The following PRKCA variants were observed in gnomAD, a reference collection of about 807,000 sequenced individuals.
The protein encoded by PRKCA is protein kinase C alpha type.
PRKCA carries 27 observed loss-of-function variants against 87.0 expected under a neutral mutation model. The observed-to-expected ratio is 0.31, with a 90% confidence interval of 0.23 to 0.43. The LOEUF (loss-of-function observed/expected upper bound fraction) is 0.43. Among genes scored for constraint, PRKCA ranks in the 20% least tolerant of loss-of-function variants. The probability of loss-of-function intolerance (pLI) is 1.00; values close to 1 mark genes in which losing one functional copy is unlikely to be tolerated. For synonymous variants in PRKCA, 329 were observed against 311.1 expected (o/e 1.06, Z -0.61); for missense variants, 518 against 852.3 (o/e 0.61, Z 4.88).
intron 3 of PRKCA, among the ~76,000 whole-genome samples, chr17:66,570,996 TATCTGTGAGCACTGTTTGCAAATTGC>T (rs1176738300): frequency 6.6e-6 from 1 of 152,222 alleles, no homozygotes; most frequent in Non-Finnish European, 1.5e-5. Context: ...GGGAAGGTAA[TATCTGTGAGCACTGTTTGCAAATTGC>T]AACTGCAGAG....
intron 3 of PRKCA, among the ~76,000 whole-genome samples, chr17:66,595,823 G>A (rs1042511718): frequency 6.6e-6 from 1 of 152,166 alleles, no homozygotes; most frequent in African/African-American, 2.4e-5. Context: ...GTCTTTTCAA[G>A]GGATGCAATT....
At chr17:66,574,754 A>T (rs1009925459) in intron 3 of PRKCA, among the ~76,000 whole-genome samples, 1 of 151,874 alleles carries the variant, frequency 6.6e-6, no homozygotes, top group South Asian at 2.1e-4. Flanking sequence ...AATTCCAAGC[A>T]CTTCTGGTCC....
In PRKCA at chr17:66,645,411, C is replaced by T. The variant is rs149096693; in HGVS notation, c.429C>T (p.Cys143=). 7.4e-6 allele frequency: 12 copies of T among 1,614,058 alleles called. No homozygotes were observed. Among genetic ancestry groups the T allele is most frequent in the African/African-American group, 4.0e-5 (3 of 74,916 alleles). The part of the protein sequence containing the change: ...DTCDMNVHKQ[C]VINVPSLCGM... ...GCGATATGAACGTTCACAAGCAATGCGTCATCAATGTCCCCAGCCTCTGCG... is the reference window on the plus strand; with the variant it reads ...GCGATATGAACGTTCACAAGCAATGTGTCATCAATGTCCCCAGCCTCTGCG... The change falls in exon 5 of 17, where the codon TGC becomes TGT. Residue 143 remains cysteine (C), a synonymous_variant. Transcript: ENST00000413366.
At chr17:66,312,711 A>G (rs1905139805) in intron 2 of PRKCA, among the ~76,000 whole-genome samples, 1 of 141,576 alleles carries the variant, frequency 7.1e-6, no homozygotes, top group Non-Finnish European at 1.5e-5. Context: ...CCTATTCTAC[A>G]TGTTCTTCCT....
At chr17:66,657,384 T>C (rs1196831147) in intron 5 of PRKCA, among the ~76,000 whole-genome samples, 3 of 152,020 alleles carry the variant, frequency 2.0e-5, no homozygotes, top group African/African-American at 7.3e-5. Flanking sequence ...GGGTGGTGAA[T>C]TTGGGGAATG....
At chr17:66,561,074 T>C (rs538718962) in intron 3 of PRKCA, among the ~76,000 whole-genome samples, 1 of 152,336 alleles carries the variant, frequency 6.6e-6, no homozygotes, top group African/African-American at 2.4e-5. Flanking sequence ...GAGGTGGGCC[T>C]GTGGAGAACC....
chr17:66,486,131 A>G (rs371722798), intron 2 of PRKCA, among the ~76,000 whole-genome samples: 14 of 152,296 alleles, frequency 9.2e-5, no homozygotes, highest in African/African-American at 3.4e-4. Context: ...TGAGTTTTCA[A>G]AAGCTAACCT....
At chr17:66,608,843 T>C (rs1970277426) in intron 3 of PRKCA, among the ~76,000 whole-genome samples, 1 of 152,264 alleles carries the variant, frequency 6.6e-6, no homozygotes, top group Admixed American at 6.5e-5. Context: ...TTATTCTCTC[T>C]GCTCTTTGCA....
rs189816264 is a variant in PRKCA, at chr17:66,729,175, G to T, written c.919-3513G>T. ...ACCTGTAATACCAGCACTTTGGGAG[G>T]CCGAGGCAGATGGATCAGGAGTTCG... is the stretch of plus-strand genomic sequence containing the variant. On this transcript the variant is annotated intron_variant, in intron 8 of 16. Transcript: ENST00000413366. 3.3e-3 allele frequency among the ~76,000 whole-genome samples: 501 copies of T among 152,198 alleles called. 1 individual carries two copies. Among genetic ancestry groups the T allele is most frequent in the African/African-American group, 0.011 (465 of 41,514 alleles).
intron 6 of PRKCA, among the ~76,000 whole-genome samples, chr17:66,688,006 C>T (rs541345980): frequency 2.6e-5 from 4 of 152,218 alleles, no homozygotes; most frequent in East Asian, 1.9e-4. Context: ...TCTGTTGCAC[C>T]GGTATAACTT....
At chr17:66,491,706 TG>T (rs1962468250) in intron 2 of PRKCA, among the ~76,000 whole-genome samples, 1 of 152,262 alleles carries the variant, frequency 6.6e-6, no homozygotes, top group South Asian at 2.1e-4. Flanking sequence ...TGCATCCTTT[TG>T]TTTTATTGAG....
intron 5 of PRKCA, among the ~76,000 whole-genome samples, chr17:66,683,659 G>C (rs997437689): frequency 2.0e-5 from 3 of 152,160 alleles, no homozygotes; most frequent in Admixed American, 6.5e-5. Flanking sequence ...GAGTGCAGTG[G>C]CATGATCTCA....
At position 66,497,450 on chromosome 17, in the gene PRKCA, C is replaced by T. The variant is rs141165131; in HGVS notation, c.288+1167C>T. Among the ~76,000 whole-genome samples the T allele has an allele frequency of 7.0e-3, 1,066 of 151,274 alleles. 9 individuals carry two copies. The highest frequency in any genetic ancestry group is 0.024 in the South Asian group (115 of 4,770). Reference sequence around the variant, plus strand: ...GGCAGAGGTTGTGGTGAGCTGATATCGCACCACTGCACTCCAACCTGGGCA... The same window carrying T: ...GGCAGAGGTTGTGGTGAGCTGATATTGCACCACTGCACTCCAACCTGGGCA... On this transcript the variant is annotated intron_variant, in intron 3 of 16. Transcript: ENST00000413366.
chr17:66,523,311 G>T (rs1967233737), intron 3 of PRKCA, among the ~76,000 whole-genome samples: 1 of 152,146 alleles, frequency 6.6e-6, no homozygotes, highest in South Asian at 2.1e-4. Flanking sequence ...GTCATTCTTA[G>T]GAAAAACTGG....
chr17:66,543,711 A>G (rs16959575), intron 3 of PRKCA, among the ~76,000 whole-genome samples: 2,824 of 152,284 alleles, frequency 0.019, 79 homozygotes, highest in African/African-American at 0.064. Context: ...AGAATTGAAC[A>G]TTGTTAGACA....
intron 3 of PRKCA, among the ~76,000 whole-genome samples, chr17:66,615,349 G>T (rs1970487349): frequency 6.6e-6 from 1 of 152,108 alleles, no homozygotes; most frequent in African/African-American, 2.4e-5. Context: ...TGTCGGGGTG[G>T]GTAGCCAGCA....
At chr17:66,425,350 G>T (rs1442322063) in intron 2 of PRKCA, among the ~76,000 whole-genome samples, 2 of 151,880 alleles carry the variant, frequency 1.3e-5, no homozygotes, top group African/African-American at 4.8e-5. Context: ...CACTGCTCAG[G>T]CTTACTGTCC....
intron 3 of PRKCA, among the ~76,000 whole-genome samples, chr17:66,544,953 A>G (rs936876990): frequency 2.6e-5 from 4 of 152,248 alleles, no homozygotes; most frequent in African/African-American, 9.6e-5. Context: ...ATAAATTACC[A>G]TTATTTTCTC....
At chr17:66,789,834 G>A (rs991456781) in intron 16 of PRKCA, among the ~76,000 whole-genome samples, 1 of 152,222 alleles carries the variant, frequency 6.6e-6, no homozygotes, top group African/African-American at 2.4e-5. Context: ...GCCAGCAAGT[G>A]CCTTTCATGT....
Sources: allele counts gnomAD v4.1 joint callset (sites outside exome capture counted in the v4.1 genomes callset), GRCh38; gene constraint gnomAD v4.1.1; transcripts MANE v1.5; gene names NCBI Gene and HGNC (gene_info 2026-07-23, HGNC 2026-07-21).